Variants in CCDC85A observed in about 807,000 individuals in gnomAD.
The protein encoded by CCDC85A is coiled-coil domain containing 85A, also known as coiled-coil domain-containing protein 85A.
A neutral mutation model predicts 50.2 loss-of-function variants in CCDC85A; 38 were observed. The observed-to-expected ratio is 0.76, with a 90% CI of 0.58 to 0.99. The LOEUF is 0.99. Ranked by LOEUF, CCDC85A falls within the 50% of genes least tolerant of loss-of-function variation. The pLI is 0.00. For synonymous variants in CCDC85A, 366 were observed against 301.4 expected (o/e 1.21, Z -2.22); for missense variants, 820 against 742.0 (o/e 1.11, Z -1.22).
At chr2:56,321,986 C>T (rs1363082399) in intron 2 of CCDC85A, among the ~76,000 whole-genome samples, 2 of 152,090 alleles carry the variant, frequency 1.3e-5, no homozygotes, top group African/African-American at 4.8e-5. Flanking sequence ...AGAAATAATA[C>T]CACACATCTA....
rs1428106529 is a variant in CCDC85A at position 56,192,592 on chromosome 2, G to T, written c.392G>T (p.Arg131Leu). 2 of 1,613,904 alleles carry T rather than the reference G, an allele frequency of 1.2e-6. No homozygotes were observed. The highest frequency in any genetic ancestry group is 1.7e-6 in the Non-Finnish European group (2 of 1,179,864). ...TCTCGGGAGTGGCAGAGACTGGGTC[G>T]CTACACTGCCGGGGTGATGCACAAG... ...RVSREWQRLG[R>L]YTAGVMHKEV... Residue 131 changes from arginine to leucine, a missense_variant, in exon 2 of 6, where the codon CGC (arginine) becomes CTC (leucine). Coordinates refer to ENST00000407595, the MANE Select transcript of CCDC85A (RefSeq NM_001080433.2). This position sits in a 1 kb window ranked among gnomAD's most constrained non-coding sequence, Gnocchi z 4.7.
At chr2:56,301,710 A>G (rs1446715863) in intron 2 of CCDC85A, among the ~76,000 whole-genome samples, 3 of 152,198 alleles carry the variant, frequency 2.0e-5, no homozygotes, top group African/African-American at 7.2e-5. Flanking sequence ...TTAAAAGATC[A>G]GAAAACCAAA....
rs1198454504 is a variant in CCDC85A, at chr2:56,192,415, G to A, written c.277-62G>A. 6.5e-7 allele frequency: 1 copy of A among 1,534,648 alleles called. No homozygotes were observed. Among genetic ancestry groups the A allele is most frequent in the Admixed American group, 2.0e-5 (1 of 48,878 alleles). The stretch of plus-strand genomic sequence containing the variant: ...GTTACAGGCTCTCCCTTTCCAGGAA[G>A]TCTGAGCCTGCTGACACCTCAGATG... On this transcript the variant is annotated intron_variant, in intron 1 of 5. Coordinates refer to ENST00000407595, the MANE Select transcript of CCDC85A (RefSeq NM_001080433.2). The surrounding 1 kb of genome is among the most constrained non-coding windows in gnomAD (Gnocchi z 4.7).
Position 56,287,614 on chromosome 2 carries a change from A to G in CCDC85A, c.1241-55265A>G, listed in dbSNP as rs1671505196. ...TTTGTGGAATGCATATTAGAGTTGTATGGTTGATTCTGTGTCATTTCACAT... is the reference window on the plus strand; with the variant it reads ...TTTGTGGAATGCATATTAGAGTTGTGTGGTTGATTCTGTGTCATTTCACAT... On this transcript the variant is annotated intron_variant, in intron 2 of 5. Coordinates refer to ENST00000407595, the MANE Select transcript of CCDC85A (RefSeq NM_001080433.2). Among the ~76,000 whole-genome samples, 3 of 152,262 alleles carry G rather than the reference A, an allele frequency of 2.0e-5. No homozygotes were observed. The South Asian group carries it at 6.2e-4, about 32-fold the overall frequency.
At chr2:56,239,798 G>A (rs1437527655) in intron 2 of CCDC85A, among the ~76,000 whole-genome samples, 1 of 152,156 alleles carries the variant, frequency 6.6e-6, no homozygotes, top group East Asian at 1.9e-4. Context: ...GAGAGATGAT[G>A]TGATAATTTT....
intron 2 of CCDC85A, among the ~76,000 whole-genome samples, chr2:56,226,079 C>A (rs1668529910): frequency 6.6e-6 from 1 of 152,166 alleles, no homozygotes; most frequent in Non-Finnish European, 1.5e-5. Flanking sequence ...GGTATCATTG[C>A]AAGCTGCAAT....
chr2:56,384,240 A>G lies in CCDC85A; in HGVS notation c.1573-26A>G, dbSNP rs751947626. On this transcript the variant is annotated intron_variant, in intron 5 of 5. Transcript: ENST00000407595. ...CCTTGTGAAAGAGGAAAAGTAAGATACTCACTCCTTCTTTTTTTTTTTAAG... is the reference window on the plus strand; with the variant it reads ...CCTTGTGAAAGAGGAAAAGTAAGATGCTCACTCCTTCTTTTTTTTTTTAAG... The G allele has an allele frequency of 2.5e-6, 4 of 1,584,054 alleles. No homozygotes were observed. The East Asian group carries it at 9.0e-5, about 36-fold the overall frequency.
chr2:56,369,653 A>G (rs967489867), intron 3 of CCDC85A, among the ~76,000 whole-genome samples: 2 of 152,136 alleles, frequency 1.3e-5, no homozygotes, highest in Non-Finnish European at 2.9e-5. Context: ...TTTCCAACAA[A>G]TAGTTCTTGG....
intron 2 of CCDC85A, among the ~76,000 whole-genome samples, chr2:56,265,817 C>T (rs1670414292): frequency 7.4e-6 from 1 of 134,828 alleles, no homozygotes; most frequent in South Asian, 2.5e-4. Flanking sequence ...AAAAGTAAAC[C>T]AGATTTTGAA....
At chr2:56,227,006 A>C (rs951602514) in intron 2 of CCDC85A, among the ~76,000 whole-genome samples, 5 of 152,234 alleles carry the variant, frequency 3.3e-5, no homozygotes, top group African/African-American at 9.6e-5. Context: ...AAGCTAATGA[A>C]AACCATTCAA....
chr2:56,213,624 C>T (rs182922107), intron 2 of CCDC85A, among the ~76,000 whole-genome samples: 49 of 152,028 alleles, frequency 3.2e-4, no homozygotes, highest in African/African-American at 1.0e-3. Flanking sequence ...GCTCTAGGAT[C>T]TAGGCCAAAC....
intron 3 of CCDC85A, among the ~76,000 whole-genome samples, chr2:56,370,750 A>T (rs1314377508): frequency 2.6e-5 from 4 of 152,218 alleles, no homozygotes; most frequent in Admixed American, 6.5e-5. Flanking sequence ...GGGTATGATG[A>T]TAAGCTTTGT....
intron 2 of CCDC85A, among the ~76,000 whole-genome samples, chr2:56,222,124 C>T (rs980014135): frequency 2.0e-5 from 3 of 152,006 alleles, no homozygotes; most frequent in Admixed American, 6.6e-5. Context: ...GTTAAGTTCC[C>T]AACACATGAA....
intron 4 of CCDC85A, among the ~76,000 whole-genome samples, chr2:56,374,868 C>T (rs1229827226): frequency 2.0e-5 from 3 of 152,206 alleles, no homozygotes; most frequent in African/African-American, 7.2e-5. Context: ...CCTTCAGTGA[C>T]TCCTCTTCGG....
At position 56,211,623 on chromosome 2, in the gene CCDC85A, C is replaced by G. The variant is rs74320892; in HGVS notation, c.1240+18183C>G. 8.6e-5 allele frequency among the ~76,000 whole-genome samples: 13 copies of G among 152,028 alleles called. No individual in the cohort carries two copies. The East Asian group carries it at 1.9e-3, about 23-fold the overall frequency. ...CTTTTCCTTTTTACCAAACTCTGTT[C>G]TTTGGGAGAAGGCATCACAATTTCC... On this transcript the variant is annotated intron_variant, in intron 2 of 5. Coordinates refer to ENST00000407595, the MANE Select transcript of CCDC85A (RefSeq NM_001080433.2).
chr2:56,221,326 T>C (rs1196679724), intron 2 of CCDC85A, among the ~76,000 whole-genome samples: 2 of 152,098 alleles, frequency 1.3e-5, no homozygotes, highest in African/African-American at 4.8e-5. Context: ...AGGTTCCATT[T>C]AACCGACTTA....
intron 2 of CCDC85A, among the ~76,000 whole-genome samples, chr2:56,207,023 T>C (rs1228102685): frequency 2.0e-5 from 3 of 152,210 alleles, no homozygotes; most frequent in African/African-American, 7.2e-5. Context: ...CTAAATATTC[T>C]GCTAAGTGAA....
At chr2:56,362,155 G>T (rs1029262354) in intron 3 of CCDC85A, among the ~76,000 whole-genome samples, 1 of 152,160 alleles carries the variant, frequency 6.6e-6, no homozygotes, top group African/African-American at 2.4e-5. Context: ...GCAGCCCAGG[G>T]ATGGTACAGA....
intron 2 of CCDC85A, among the ~76,000 whole-genome samples, chr2:56,278,448 A>G (rs76480578): frequency 0.12 from 18,003 of 152,168 alleles, 1,230 homozygotes; most frequent in East Asian, 0.34. Context: ...GCAAAGTCCA[A>G]TTCTGTCTTT....
Sources: allele counts gnomAD v4.1 joint callset (sites outside exome capture counted in the v4.1 genomes callset), GRCh38; gene constraint gnomAD v4.1.1; non-coding constraint Gnocchi (gnomAD v3.1); transcripts MANE v1.5; gene names NCBI Gene and HGNC (gene_info 2026-07-23, HGNC 2026-07-21).